SGCD: variants seen among roughly 807,000 people sequenced by gnomAD.
SGCD encodes sarcoglycan delta.
SGCD carries 18 observed loss-of-function variants against 36.6 expected under a neutral mutation model. The ratio of observed to expected loss-of-function variants is 0.49; its 90% CI spans 0.34 to 0.73. The LOEUF is 0.73. SGCD is among the 30% of genes least tolerant of loss of function. The pLI, the probability that SGCD is intolerant of heterozygous loss-of-function variation, is 0.01. For missense variants in SGCD, 387 were observed against 346.7 expected, an observed-to-expected ratio of 1.12 and a Z score of -0.92; for synonymous variants, 133 against 130.6, an observed-to-expected ratio of 1.02 and a Z score of -0.12.
chr5:156,147,499 T>A (rs1182110325), intron 3 of SGCD, among the ~76,000 whole-genome samples: 3 of 152,226 alleles, frequency 2.0e-5, no homozygotes, highest in Admixed American at 6.5e-5. Context: ...ACCACATTTT[T>A]AAATTTTTTT....
chr5:156,689,046 G>A (rs1000254695), intron 7 of SGCD, among the ~76,000 whole-genome samples: 2 of 152,156 alleles, frequency 1.3e-5, no homozygotes, highest in African/African-American at 2.4e-5. Context: ...ATTGGATCCT[G>A]CATTTTAAAA....
intron 7 of SGCD, among the ~76,000 whole-genome samples, chr5:156,679,399 C>T (rs1449996025): frequency 1.3e-5 from 2 of 152,138 alleles, no homozygotes; most frequent in African/African-American, 4.8e-5. Context: ...CAAGACACTG[C>T]CATATAATGG....
intron 3 of SGCD, among the ~76,000 whole-genome samples, chr5:156,235,072 T>G (rs187081451): frequency 4.1e-3 from 626 of 152,274 alleles, no homozygotes; most frequent in South Asian, 6.6e-3. Context: ...TAAATCAAAG[T>G]CTAGAGCCTG....
chr5:156,627,267 A>G (rs1357547966), intron 6 of SGCD, among the ~76,000 whole-genome samples: 1 of 152,180 alleles, frequency 6.6e-6, no homozygotes, highest in Non-Finnish European at 1.5e-5. Context: ...GTTCAGAAAA[A>G]TGAGCCTGGG....
chr5:155,810,291 G>A, the SGCD span, among the ~76,000 whole-genome samples: 2 of 151,962 alleles, frequency 1.3e-5, no homozygotes, highest in Non-Finnish European at 2.9e-5. Flanking sequence ...AAGATTTCTT[G>A]TCTTTACTGA....
intron 3 of SGCD, among the ~76,000 whole-genome samples, chr5:156,139,277 G>GTT (rs1448020690): frequency 6.6e-6 from 1 of 152,052 alleles, no homozygotes; most frequent in Non-Finnish European, 1.5e-5. Context: ...ATATTCTCCT[G>GTT]TTTTCTGCTG....
chr5:156,082,324 C>T (rs1401328766), intron 1 of SGCD, among the ~76,000 whole-genome samples: 1 of 151,790 alleles, frequency 6.6e-6, no homozygotes, highest in African/African-American at 2.4e-5. Flanking sequence ...AACCTTGAGA[C>T]TTCCTCAGTT....
chr5:156,539,761 T>A (rs1329041225), intron 4 of SGCD, among the ~76,000 whole-genome samples: 2 of 152,258 alleles, frequency 1.3e-5, no homozygotes, highest in East Asian at 3.9e-4. Context: ...TTTCTTTTCC[T>A]TTGAGAGGAT....
chr5:156,740,945 T>G (rs1756640866), intron 7 of SGCD, among the ~76,000 whole-genome samples: 1 of 152,204 alleles, frequency 6.6e-6, no homozygotes, highest in Admixed American at 6.5e-5. Context: ...TCTAAGTTAT[T>G]TCCCTTTCAG....
intron 4 of SGCD, among the ~76,000 whole-genome samples, chr5:156,521,469 AAT>A (rs1472775060): frequency 1.3e-5 from 2 of 152,226 alleles, no homozygotes; most frequent in East Asian, 3.8e-4. Context: ...AGAAAGGTCT[AAT>A]ATTCAGAGTC....
At chr5:155,841,478 G>A in the SGCD span, among the ~76,000 whole-genome samples, 1 of 152,220 alleles carries the variant, frequency 6.6e-6, no homozygotes, top group East Asian at 1.9e-4. Context: ...CTCTTATTAT[G>A]AGCAATGTTC....
intron 4 of SGCD, among the ~76,000 whole-genome samples, chr5:156,533,788 A>G (rs956251420): frequency 1.3e-5 from 2 of 152,294 alleles, no homozygotes; most frequent in East Asian, 1.9e-4. Flanking sequence ...TCTTCATTCT[A>G]TATTCAATTT....
chr5:155,847,827 C>G, the SGCD span, among the ~76,000 whole-genome samples: 1 of 152,182 alleles, frequency 6.6e-6, no homozygotes, highest in African/African-American at 2.4e-5. Context: ...CAGAAGCTAG[C>G]TTATTCTTAC....
intron 4 of SGCD, among the ~76,000 whole-genome samples, chr5:156,577,432 GT>G (rs1374045368): frequency 6.6e-6 from 1 of 152,142 alleles, no homozygotes; most frequent in African/African-American, 2.4e-5. Context: ...CTTTAAAGTA[GT>G]TTTTTCCAAT....
At chr5:156,281,664 T>A (rs561323131) in intron 3 of SGCD, among the ~76,000 whole-genome samples, 1 of 151,436 alleles carries the variant, frequency 6.6e-6, no homozygotes, top group Admixed American at 6.6e-5. Flanking sequence ...GACAAAAAAA[T>A]AGATATACAA....
chr5:155,761,462 A>G, the SGCD span, among the ~76,000 whole-genome samples: 2 of 138,952 alleles, frequency 1.4e-5, no homozygotes, highest in African/African-American at 5.4e-5. Context: ...CCTCTCCATC[A>G]TCCTCACCAT....
chr5:156,331,067 G>A (rs1768046983), intron 2 of SGCD, among the ~76,000 whole-genome samples: 1 of 152,180 alleles, frequency 6.6e-6, no homozygotes, highest in South Asian at 2.1e-4. Context: ...AACTGAGATA[G>A]CACCAGGCAA....
chr5:156,177,280 G>A (rs1763497806), intron 3 of SGCD, among the ~76,000 whole-genome samples: 1 of 152,154 alleles, frequency 6.6e-6, no homozygotes, highest in African/African-American at 2.4e-5. Flanking sequence ...GATTACAGGT[G>A]TGAGCCACCG....
intron 1 of SGCD, among the ~76,000 whole-genome samples, chr5:156,070,654 T>A (rs1176512381): frequency 2.0e-5 from 3 of 152,134 alleles, no homozygotes; most frequent in Admixed American, 6.5e-5. Flanking sequence ...ATAAAATGAG[T>A]TAGGGAGGAT....
Sources: gnomAD v4.1 joint callset for allele counts (sites outside exome capture counted in the v4.1 genomes callset) on GRCh38, gnomAD v4.1.1 for gene constraint, MANE v1.5 for transcripts, NCBI Gene and HGNC (gene_info 2026-07-23, HGNC 2026-07-21) for gene names.